Variants in PALS2 observed in about 807,000 individuals in gnomAD.
PALS2 encodes protein associated with LIN7 2, MAGUK p55 family member.
Under a neutral mutation model 61.6 loss-of-function variants are expected in PALS2, and 27 were observed. That is an observed-to-expected ratio of 0.44 (90% CI 0.32 to 0.60). PALS2 has a LOEUF of 0.60. Among genes scored for constraint, PALS2 ranks in the 20% least tolerant of loss-of-function variants. PALS2 has a pLI of 0.05. For synonymous variants in PALS2, 236 were observed against 218.6 expected (o/e 1.08, Z -0.70); for missense variants, 554 against 639.4 (o/e 0.87, Z 1.44).
chr7:24,587,411 C>T (rs1421050497), intron 1 of PALS2, among the ~76,000 whole-genome samples: 34 of 151,830 alleles, frequency 2.2e-4, no homozygotes, highest in Admixed American at 2.2e-3. Flanking sequence ...ACAGCATATC[C>T]CTCTGTCACC....
intron 1 of PALS2, among the ~76,000 whole-genome samples, chr7:24,583,140 C>T (rs987041822): frequency 6.6e-6 from 1 of 151,998 alleles, no homozygotes; most frequent in Non-Finnish European, 1.5e-5. Flanking sequence ...ATCTGCCTGC[C>T]TTGGCCTCCC....
At chr7:24,613,700 C>T (rs1784193331) in intron 1 of PALS2, among the ~76,000 whole-genome samples, 1 of 151,746 alleles carries the variant, frequency 6.6e-6, no homozygotes, top group Non-Finnish European at 1.5e-5. Flanking sequence ...TCATATCTAG[C>T]TGTAATTTTG....
chr7:24,687,293 A>G lies in PALS2; in HGVS notation c.1447-145A>G, dbSNP rs1277956210. On this transcript the variant is annotated intron_variant, in intron 11 of 11. Coordinates refer to ENST00000222644, the MANE Select transcript of PALS2 (RefSeq NM_001303037.2). The surrounding 1 kb of genome is among the most constrained non-coding windows in gnomAD (Gnocchi z 4.5). Reference sequence around the variant, plus strand: ...TGAACAGATGGCAGTGTTGTCTTTAACACTATATGGATTAGATTTTGAAGA... The same window carrying G: ...TGAACAGATGGCAGTGTTGTCTTTAGCACTATATGGATTAGATTTTGAAGA... 9 of 619,316 alleles carry G rather than the reference A, an allele frequency of 1.5e-5. No homozygotes were observed. Among genetic ancestry groups the G allele is most frequent in the Non-Finnish European group, 2.5e-5 (9 of 366,258 alleles). The allele number at this position is 619,316 out of a possible 1,614,324, so 38.4% of individuals were successfully genotyped here. A position where few individuals can be genotyped will look rare whatever the true frequency, so the allele number is the denominator to read the frequency against.
At chr7:24,609,101 A>T (rs544867676) in intron 1 of PALS2, among the ~76,000 whole-genome samples, 1 of 152,198 alleles carries the variant, frequency 6.6e-6, no homozygotes, top group East Asian at 1.9e-4. Flanking sequence ...TTTTTCCCCC[A>T]GTTTAGTTTG....
At position 24,587,163 on chromosome 7, in the gene PALS2, C is replaced by T. The variant is rs562014165; in HGVS notation, c.-3+13570C>T. 2.6e-5 allele frequency among the ~76,000 whole-genome samples: 4 copies of T among 152,046 alleles called. No homozygotes were observed. The East Asian group carries it at 7.7e-4, about 29-fold the overall frequency. Reference sequence around the variant, plus strand: ...GATGGAAAAGTTCTTTAGAGACTACCTACTTCGCTATTAATTTGTCATTTA... The same window carrying T: ...GATGGAAAAGTTCTTTAGAGACTACTTACTTCGCTATTAATTTGTCATTTA... On this transcript the variant is annotated intron_variant, in intron 1 of 11. Coordinates refer to ENST00000222644, the MANE Select transcript of PALS2 (RefSeq NM_001303037.2).
At chr7:24,638,789 C>T (rs148063332) in intron 2 of PALS2, among the ~76,000 whole-genome samples, 11 of 152,252 alleles carry the variant, frequency 7.2e-5, no homozygotes, top group African/African-American at 2.4e-4. Context: ...ATTAGTCTTT[C>T]CACATTCCTA....
intron 5 of PALS2, among the ~76,000 whole-genome samples, chr7:24,654,142 TAC>T (rs1213440908): frequency 3.3e-5 from 5 of 151,900 alleles, no homozygotes; most frequent in Non-Finnish European, 7.4e-5. Context: ...ATTGATTATA[TAC>T]AGTTATTTAT....
chr7:24,600,734 T>C (rs1263607004), intron 1 of PALS2, among the ~76,000 whole-genome samples: 1 of 152,204 alleles, frequency 6.6e-6, no homozygotes, highest in African/African-American at 2.4e-5. Flanking sequence ...AATGTTTTAC[T>C]GAAATATATT....
intron 9 of PALS2, among the ~76,000 whole-genome samples, chr7:24,673,625 G>C (rs1787413759): frequency 6.6e-6 from 1 of 151,942 alleles, no homozygotes; most frequent in South Asian, 2.1e-4. Flanking sequence ...GATTTCTGCA[G>C]GGTTCATAGT....
chr7:24,604,482 G>A (rs2128048984), intron 1 of PALS2, among the ~76,000 whole-genome samples: 1 of 152,276 alleles, frequency 6.6e-6, no homozygotes, highest in South Asian at 2.1e-4. Flanking sequence ...CAAAGCCTTG[G>A]AGACATGTGG....
chr7:24,576,363 A>T (rs1782643460), intron 1 of PALS2, among the ~76,000 whole-genome samples: 1 of 152,142 alleles, frequency 6.6e-6, no homozygotes, highest in Admixed American at 6.5e-5. Flanking sequence ...GAGACTTTAC[A>T]ATTGGGCTTG....
chr7:24,680,986 G>T (rs77176338), intron 11 of PALS2, among the ~76,000 whole-genome samples: 2,678 of 152,302 alleles, frequency 0.018, 32 homozygotes, highest in Non-Finnish European at 0.027. Flanking sequence ...ATCTGGAACA[G>T]TATTCTTTTA....
intron 1 of PALS2, among the ~76,000 whole-genome samples, chr7:24,586,127 G>T (rs1009706387): frequency 3.4e-4 from 52 of 151,384 alleles, no homozygotes; most frequent in African/African-American, 1.3e-3. Context: ...CCCCCAGTCA[G>T]GCATCATCCA....
chr7:24,650,449 A>C (rs1290450139), intron 4 of PALS2, 36 bp from the exon 5 acceptor site: 1 of 1,476,686 alleles, frequency 6.8e-7, no homozygotes, highest in Non-Finnish European at 9.2e-7. Flanking sequence ...TTTCTCCCTA[A>C]TAATTAATGA....
At chr7:24,647,517 A>G (rs1785904597) in intron 3 of PALS2, among the ~76,000 whole-genome samples, 1 of 151,954 alleles carries the variant, frequency 6.6e-6, no homozygotes, top group Admixed American at 6.6e-5. Context: ...AATTTTTGTT[A>G]TTTCTCATCT....
chr7:24,633,353 T>G (rs1007992534), intron 2 of PALS2, among the ~76,000 whole-genome samples: 2 of 150,048 alleles, frequency 1.3e-5, no homozygotes, highest in East Asian at 3.9e-4. Flanking sequence ...TGGTGGAGTT[T>G]TTTTTTTTTT....
intron 2 of PALS2, among the ~76,000 whole-genome samples, chr7:24,634,786 G>C (rs1392741394): frequency 6.6e-6 from 1 of 152,034 alleles, no homozygotes; most frequent in Non-Finnish European, 1.5e-5. Context: ...TCCATTTGTT[G>C]GACTTTCAAA....
intron 4 of PALS2, 32 bp from the exon 5 acceptor site, chr7:24,650,449 ATAAT>A (rs1562641639): frequency 6.8e-7 from 1 of 1,476,686 alleles, no homozygotes. Context: ...TTTCTCCCTA[ATAAT>A]TAATGAGAAA....
chr7:24,622,683 C>CTTTTTTTTTTTTTTTTTTTTTTTTTTT (rs70942815), intron 1 of PALS2, among the ~76,000 whole-genome samples: 2 of 135,698 alleles, frequency 1.5e-5, no homozygotes, highest in African/African-American at 5.4e-5. Flanking sequence ...TTTCTTTTTT[C>CTTTTTTTTTTTTTTTTTTTTTTTTTTT]TTTTTTTTTT....
Sources: allele counts gnomAD v4.1 joint callset (sites outside exome capture counted in the v4.1 genomes callset), GRCh38; gene constraint gnomAD v4.1.1; non-coding constraint Gnocchi (gnomAD v3.1); transcripts MANE v1.5; gene names NCBI Gene and HGNC (gene_info 2026-07-23, HGNC 2026-07-21).